The following SLC35F3 variants were observed in gnomAD, a reference collection of about 807,000 sequenced individuals.
SLC35F3 encodes solute carrier family 35 member F3.
SLC35F3 carries 25 observed loss-of-function variants against 49.9 expected under a neutral mutation model. The ratio of observed to expected loss-of-function variants is 0.50; its 90% CI spans 0.37 to 0.70. The LOEUF is 0.70. Among genes scored for constraint, SLC35F3 ranks in the 30% least tolerant of loss-of-function variants. The probability of loss-of-function intolerance (pLI) is 0.00; values close to 1 mark genes in which losing one functional copy is unlikely to be tolerated. For synonymous variants in SLC35F3, 275 were observed against 265.4 expected (o/e 1.04, Z -0.35); for missense variants, 525 against 639.8 (o/e 0.82, Z 1.94).
Position 234,214,188 on chromosome 1 carries a change from G to A in SLC35F3, c.284-17229G>A. 5.4e-6 allele frequency: 6 copies of A among 1,118,848 alleles called. No homozygotes were observed. The highest frequency in any genetic ancestry group is 5.5e-6 in the Non-Finnish European group (5 of 916,096). 69.3% of individuals were successfully genotyped at this position (1,118,848 alleles called of 1,614,324 possible). On this transcript the variant is annotated intron_variant, in intron 2 of 7. Transcript: ENST00000366618. This position sits in a 1 kb window ranked among gnomAD's most constrained non-coding sequence, Gnocchi z 8.0. ...GGGCGGAGCAGGTGAGCTGCGGGGT[G>A]GGAGCAGGGAGTGCACTTGTACGTG...
chr1:234,032,984 A>C (rs1467701566), intron 2 of SLC35F3, among the ~76,000 whole-genome samples: 1 of 151,890 alleles, frequency 6.6e-6, no homozygotes, highest in Non-Finnish European at 1.5e-5. Flanking sequence ...TCCCACGAAC[A>C]GTGTAAAAGT....
intron 2 of SLC35F3, among the ~76,000 whole-genome samples, chr1:234,108,669 AAG>A (rs1400140385): frequency 8.8e-6 from 1 of 114,102 alleles, no homozygotes; most frequent in East Asian, 8.6e-4. Context: ...ATATATATAA[AAG>A]ATATATATAT....
chr1:234,287,595 A>T (rs986257516), intron 3 of SLC35F3, among the ~76,000 whole-genome samples: 3 of 152,224 alleles, frequency 2.0e-5, no homozygotes, highest in Admixed American at 6.5e-5. Flanking sequence ...TCACCCGACA[A>T]CCATAAGGAG....
At chr1:233,992,091 G>A (rs926264113) in intron 2 of SLC35F3, among the ~76,000 whole-genome samples, 17 of 152,198 alleles carry the variant, frequency 1.1e-4, no homozygotes, top group Non-Finnish European at 8.8e-5. Context: ...ACACGATGGT[G>A]AGCAACCTTC....
chr1:233,965,142 A>G (rs1013792425), intron 2 of SLC35F3, among the ~76,000 whole-genome samples: 1 of 152,148 alleles, frequency 6.6e-6, no homozygotes, highest in African/African-American at 2.4e-5. Flanking sequence ...GTCCTTCCTA[A>G]AATGTACAAC....
At position 234,184,384 on chromosome 1, in the gene SLC35F3, A is replaced by G. The variant is rs1204411153; in HGVS notation, c.284-47033A>G. On this transcript the variant is annotated intron_variant, in intron 2 of 7. Transcript: ENST00000366618. Reference sequence around the variant, plus strand: ...ATGTGGTTTGTAAAGTTGACAAAACAGTGGCTTCTGGAATGAAGCATGTTT... The same window carrying G: ...ATGTGGTTTGTAAAGTTGACAAAACGGTGGCTTCTGGAATGAAGCATGTTT... 2.6e-5 allele frequency among the ~76,000 whole-genome samples: 4 copies of G among 152,348 alleles called. No homozygotes were observed. In the South Asian group the frequency reaches 8.3e-4, roughly 32 times the overall value.
intron 3 of SLC35F3, among the ~76,000 whole-genome samples, chr1:234,289,191 C>A (rs929990367): frequency 6.6e-6 from 1 of 152,192 alleles, no homozygotes; most frequent in African/African-American, 2.4e-5. Context: ...TACAAAAAGC[C>A]TTTGTCTCTG....
intron 2 of SLC35F3, among the ~76,000 whole-genome samples, chr1:234,196,511 C>T (rs1666814132): frequency 6.6e-6 from 1 of 152,262 alleles, no homozygotes. Context: ...AAGCCCCAAT[C>T]TGGGGGTTTG....
chr1:233,958,353 C>A (rs1349700919), intron 2 of SLC35F3, among the ~76,000 whole-genome samples: 1 of 152,194 alleles, frequency 6.6e-6, no homozygotes, highest in African/African-American at 2.4e-5. Context: ...AATGGTCATG[C>A]CTTTCTCACT....
chr1:234,099,479 G>A (rs1384770337), intron 2 of SLC35F3, among the ~76,000 whole-genome samples: 8 of 151,866 alleles, frequency 5.3e-5, no homozygotes, highest in South Asian at 4.2e-4. Flanking sequence ...GTGTGGTGGC[G>A]GGAGCCTGCA....
chr1:234,295,362 G>A (rs1227720675), intron 3 of SLC35F3, among the ~76,000 whole-genome samples: 3 of 152,238 alleles, frequency 2.0e-5, no homozygotes, highest in African/African-American at 7.2e-5. Flanking sequence ...GCTGCCTTGC[G>A]AAGCTTGGGC....
At chr1:234,261,656 C>T (rs1251459222) in intron 3 of SLC35F3, 1 of 152,080 alleles carries the variant, frequency 6.6e-6, no homozygotes, top group African/African-American at 2.4e-5. Context: ...CATCCTGTGA[C>T]TAAGAATGCC....
intron 3 of SLC35F3, among the ~76,000 whole-genome samples, chr1:234,243,763 T>G (rs1041583527): frequency 6.6e-6 from 1 of 152,220 alleles, no homozygotes; most frequent in African/African-American, 2.4e-5. Context: ...TCCCTGCTCC[T>G]GCTACAGTGC....
At position 234,074,969 on chromosome 1, in the gene SLC35F3, G is replaced by A. The variant is rs143199404; in HGVS notation, c.284-156448G>A. On this transcript the variant is annotated intron_variant, in intron 2 of 7. Coordinates refer to ENST00000366618, the MANE Select transcript of SLC35F3 (RefSeq NM_173508.4). ...CAAGAGCCTGAGCTTGGGCTGTGACGTCTGAGTTTTTTTGATGTTGGGACC... is the reference window on the plus strand; with the variant it reads ...CAAGAGCCTGAGCTTGGGCTGTGACATCTGAGTTTTTTTGATGTTGGGACC... Among the ~76,000 whole-genome samples, 3 of 152,250 alleles carry A rather than the reference G, an allele frequency of 2.0e-5. No homozygotes were observed. The East Asian group carries it at 5.8e-4, about 29-fold the overall frequency.
In SLC35F3 at chr1:234,320,984, C is replaced by T. The variant is rs1040991579; in HGVS notation, c.1237+797C>T. On this transcript the variant is annotated intron_variant, in intron 7 of 7. Transcript: ENST00000366618. The surrounding 1 kb of genome is among the most constrained non-coding windows in gnomAD (Gnocchi z 4.8). Reference sequence around the variant, plus strand: ...ACTCACTCCTTTGTCCCTGGCACAGCTTCCTCCAAAGCCATCTCCCAAATC... The same window carrying T: ...ACTCACTCCTTTGTCCCTGGCACAGTTTCCTCCAAAGCCATCTCCCAAATC... Among the ~76,000 whole-genome samples, 1 of 152,068 alleles carries T rather than the reference C, an allele frequency of 6.6e-6. No homozygotes were observed. Among genetic ancestry groups the T allele is most frequent in the African/African-American group, 2.4e-5 (1 of 41,394 alleles).
At chr1:234,151,752 A>T (rs1270254087) in intron 2 of SLC35F3, among the ~76,000 whole-genome samples, 3 of 152,172 alleles carry the variant, frequency 2.0e-5, no homozygotes, top group Non-Finnish European at 2.9e-5. Flanking sequence ...CAAATATTGA[A>T]GATGGGCAAA....
chr1:234,053,659 T>C (rs1042774051), intron 2 of SLC35F3, among the ~76,000 whole-genome samples: 2 of 152,212 alleles, frequency 1.3e-5, no homozygotes, highest in Non-Finnish European at 2.9e-5. Flanking sequence ...TTAATATTGT[T>C]ATGTGTGAAT....
chr1:234,310,450 GA>G (rs1332460964), intron 4 of SLC35F3, among the ~76,000 whole-genome samples: 4 of 152,214 alleles, frequency 2.6e-5, no homozygotes, highest in Non-Finnish European at 5.9e-5. Context: ...GCAGTAGGGG[GA>G]AAATTTGTTT....
intron 2 of SLC35F3, among the ~76,000 whole-genome samples, chr1:234,124,371 A>G (rs1232685332): frequency 2.6e-5 from 4 of 152,182 alleles, no homozygotes; most frequent in Non-Finnish European, 5.9e-5. Context: ...ACATTTATAC[A>G]TTTTCAAAGG....
Sources: gnomAD v4.1 joint callset for allele counts (sites outside exome capture counted in the v4.1 genomes callset) on GRCh38, gnomAD v4.1.1 for gene constraint, Gnocchi (gnomAD v3.1) non-coding constraint, MANE v1.5 for transcripts, NCBI Gene and HGNC (gene_info 2026-07-23, HGNC 2026-07-21) for gene names.